CIROZ: variants seen among roughly 807,000 people sequenced by gnomAD.
The protein encoded by CIROZ is ciliated left-right organizer protein containing ZP-N domains.
chr1:10,959,747 G>A, the CIROZ span, among the ~76,000 whole-genome samples: 1 of 152,178 alleles, frequency 6.6e-6, no homozygotes, highest in Non-Finnish European at 1.5e-5. This position sits in a 1 kb window ranked among gnomAD's most constrained non-coding sequence, Gnocchi z 4.3. Context: ...GCCAGGAAAA[G>A]GCCCGCCACC....
chr1:10,968,707 G>A, the CIROZ span, among the ~76,000 whole-genome samples: 138 of 152,306 alleles, frequency 9.1e-4, no homozygotes, highest in Middle Eastern at 3.4e-3. Context: ...CCCACCTGGC[G>A]CTGCCACGTG....
the CIROZ span, chr1:10,953,891 GT>G: frequency 7.5e-7 from 1 of 1,340,676 alleles, no homozygotes; most frequent in African/African-American, 1.5e-5. Context: ...TACCTTGTAG[GT>G]GTGGGATCTG....
chr1:10,948,588 G>A, the CIROZ span: 8 of 1,614,052 alleles, frequency 5.0e-6, no homozygotes, highest in South Asian at 1.1e-5. Flanking sequence ...TGAAGGAGAG[G>A]AGGCATCTGA....
the CIROZ span, among the ~76,000 whole-genome samples, chr1:10,952,372 A>G: frequency 3.3e-5 from 5 of 152,054 alleles, no homozygotes; most frequent in Non-Finnish European, 7.4e-5. Context: ...AAATGTTTCT[A>G]TTGCTGTTGC....
At chr1:10,948,703 G>A in the CIROZ span, 2 of 1,584,832 alleles carry the variant, frequency 1.3e-6, no homozygotes, top group African/African-American at 1.3e-5. Context: ...GTGGCTGGAG[G>A]TGTGGGGTGT....
At chr1:10,948,188 G>C in the CIROZ span, 1 of 1,613,832 alleles carries the variant, frequency 6.2e-7, no homozygotes. Context: ...CTATGTCCTG[G>C]CTTGGTTCTG....
chr1:10,959,362 T>C, the CIROZ span, among the ~76,000 whole-genome samples: 1 of 151,998 alleles, frequency 6.6e-6, no homozygotes. The surrounding 1 kb of genome is among the most constrained non-coding windows in gnomAD (Gnocchi z 4.3). Flanking sequence ...CTCACAGCCA[T>C]CCCGTAGGGT....
the CIROZ span, chr1:10,981,966 A>G: frequency 6.5e-7 from 1 of 1,534,482 alleles, no homozygotes; most frequent in Non-Finnish European, 8.7e-7. Context: ...TGGGCACACT[A>G]AGCATGCCAC....
At chr1:10,966,219 G>T in the CIROZ span, 4 of 1,158,424 alleles carry the variant, frequency 3.5e-6, no homozygotes, top group African/African-American at 6.2e-5. Context: ...CTCCATGAGG[G>T]CAGAGACTTC....
chr1:10,960,159 G>A, the CIROZ span, among the ~76,000 whole-genome samples: 6 of 152,204 alleles, frequency 3.9e-5, no homozygotes, highest in South Asian at 2.1e-4. The surrounding 1 kb of genome is among the most constrained non-coding windows in gnomAD (Gnocchi z 4.6). Flanking sequence ...AGGCTGAGGC[G>A]GGTGGATCAC....
the CIROZ span, chr1:10,948,889 G>T: frequency 6.9e-7 from 1 of 1,457,420 alleles, no homozygotes. Flanking sequence ...TTAGAAACAA[G>T]AACACATGGG....
At chr1:10,966,611 A>G in the CIROZ span, 1 of 1,053,194 alleles carries the variant, frequency 9.5e-7, no homozygotes, top group Non-Finnish European at 1.3e-6. Context: ...AGGGATAAAA[A>G]TAGCAGTAAT....
At chr1:10,971,490 G>A in the CIROZ span, among the ~76,000 whole-genome samples, 1 of 151,896 alleles carries the variant, frequency 6.6e-6, no homozygotes, top group Non-Finnish European at 1.5e-5. Context: ...CAGGGCCTCT[G>A]CACATACTGT....
At chr1:10,976,154 A>G in the CIROZ span, 1 of 1,535,754 alleles carries the variant, frequency 6.5e-7, no homozygotes, top group South Asian at 1.2e-5. Flanking sequence ...TGATTGATTC[A>G]CCTGTTAAAA....
At chr1:10,979,105 C>A in the CIROZ span, among the ~76,000 whole-genome samples, 1 of 152,234 alleles carries the variant, frequency 6.6e-6, no homozygotes, top group East Asian at 1.9e-4. Flanking sequence ...GATTCTCGTG[C>A]CTCAGCCTCC....
chr1:10,958,849 G>A, the CIROZ span: 16 of 1,271,100 alleles, frequency 1.3e-5, no homozygotes, highest in Admixed American at 2.8e-4. Flanking sequence ...AATTACCCCA[G>A]CAGGAGGCCG....
chr1:10,952,861 A>T, the CIROZ span, among the ~76,000 whole-genome samples: 1 of 152,174 alleles, frequency 6.6e-6, no homozygotes, highest in African/African-American at 2.4e-5. Flanking sequence ...GCTGCTTGAG[A>T]GCAAGAACCA....
At chr1:10,947,761 C>T in the CIROZ span, 2 of 1,594,470 alleles carry the variant, frequency 1.3e-6, no homozygotes, top group Non-Finnish European at 1.7e-6. Context: ...TCTGTCAGCT[C>T]CTGCTGGAGT....
At chr1:10,974,694 G>A in the CIROZ span, among the ~76,000 whole-genome samples, 2 of 152,120 alleles carry the variant, frequency 1.3e-5, no homozygotes, top group Non-Finnish European at 2.9e-5. The surrounding 1 kb of genome is among the most constrained non-coding windows in gnomAD (Gnocchi z 4.4). Context: ...AGAGGTTTCC[G>A]GCCAGAAAAA....
Sources: gnomAD v4.1 joint callset for allele counts (sites outside exome capture counted in the v4.1 genomes callset) on GRCh38, gnomAD v4.1.1 for gene constraint, Gnocchi (gnomAD v3.1) non-coding constraint, MANE v1.5 for transcripts, NCBI Gene and HGNC (gene_info 2026-07-23, HGNC 2026-07-21) for gene names.